The following RNF212 variants were observed in gnomAD, a reference collection of about 807,000 sequenced individuals.
RNF212 encodes the protein ring finger protein 212.
RNF212 carries 33 observed loss-of-function variants against 34.7 expected under a neutral mutation model. The observed-to-expected ratio is 0.95, with a 90% CI of 0.72 to 1.27. RNF212 has a LOEUF of 1.27. Ranked by LOEUF, RNF212 falls within the 50% of genes most tolerant of loss-of-function variation. The pLI is 0.00. For synonymous variants in RNF212, 140 were observed against 136.1 expected (o/e 1.03, Z -0.20); for missense variants, 377 against 362.2 (o/e 1.04, Z -0.33).
chr4:1,058,143 CAT>C (rs2153031359), intron 4 of RNF212, among the ~76,000 whole-genome samples: 1 of 151,394 alleles, frequency 6.6e-6, no homozygotes, highest in South Asian at 2.1e-4. Context: ...TGAAAAGCAA[CAT>C]ATTAAATTTT....
chr4:1,111,878 T>C (rs1321249171), intron 1 of RNF212, among the ~76,000 whole-genome samples: 2 of 152,134 alleles, frequency 1.3e-5, no homozygotes, highest in Non-Finnish European at 2.9e-5. Context: ...TTGGGGTGTA[T>C]CCATACAATG....
chr4:1,113,416 T>C lies in RNF212; in HGVS notation c.49A>G (p.Thr17Ala). 2 of 1,606,560 alleles carry C rather than the reference T, an allele frequency of 1.2e-6. No homozygotes were observed. The highest frequency in any genetic ancestry group is 1.4e-5 in the African/African-American group (1 of 73,950). ...CAGTTGGTGAGGCTGAAGCACGACG[T>C]CCTGTGGGGCGGCTGGAAGCAGCGA... ...CNRCFQPPHR[T>A]SCFSLTNCGH... is the part of the protein sequence containing the mutation. Residue 17 changes from threonine (T) to alanine (A), a missense_variant, in exon 1 of 10, where the codon ACG becomes GCG. Transcript: ENST00000433731.
intron 8 of RNF212, 21 bp downstream of exon 8, chr4:1,079,622 C>T (rs372405148): frequency 3.2e-6 from 5 of 1,563,226 alleles, no homozygotes; most frequent in Non-Finnish European, 4.4e-6. Context: ...CAGAGGAACT[C>T]AGCAGGAGAG....
chr4:1,075,814 G>A (rs928232278), intron 8 of RNF212, among the ~76,000 whole-genome samples: 4 of 152,096 alleles, frequency 2.6e-5, no homozygotes, highest in African/African-American at 9.7e-5. Flanking sequence ...GGGACTACAG[G>A]TGTGCACCAC....
At chr4:1,083,352 C>A (rs1720656284) in intron 5 of RNF212, among the ~76,000 whole-genome samples, 2 of 152,082 alleles carry the variant, frequency 1.3e-5, no homozygotes, top group Admixed American at 6.5e-5. Flanking sequence ...AGAACAAAAA[C>A]TCAATGGGGG....
At chr4:1,088,212 T>A (rs1446107412) in intron 4 of RNF212, among the ~76,000 whole-genome samples, 1 of 152,172 alleles carries the variant, frequency 6.6e-6, no homozygotes, top group African/African-American at 2.4e-5. Context: ...ATGGTGAAGT[T>A]CAGGCTGAGG....
At chr4:1,101,361 G>T in intron 2 of RNF212, 1 of 216,002 alleles carries the variant, frequency 4.6e-6, no homozygotes. Flanking sequence ...ACCTAGCTTT[G>T]TTGAACTTTT....
intron 3 of RNF212, among the ~76,000 whole-genome samples, chr4:1,063,817 T>C (rs2153033114): frequency 6.6e-6 from 1 of 151,114 alleles, no homozygotes; most frequent in East Asian, 1.9e-4. Flanking sequence ...CAGGCTGCAG[T>C]GAGCCATGGT....
intron 4 of RNF212, among the ~76,000 whole-genome samples, chr4:1,088,303 C>G (rs1721660468): frequency 6.6e-6 from 1 of 152,192 alleles, no homozygotes; most frequent in Admixed American, 6.5e-5. Flanking sequence ...AGACTGGAGG[C>G]ATTTTGCTCC....
At chr4:1,112,156 G>T (rs1217849544) in intron 1 of RNF212, among the ~76,000 whole-genome samples, 2 of 152,162 alleles carry the variant, frequency 1.3e-5, no homozygotes, top group African/African-American at 4.8e-5. Context: ...GCAGTAAACC[G>T]AGATCCCGCC....
chr4:1,101,231 AC>A, intron 2 of RNF212: 1 of 315,136 alleles, frequency 3.2e-6, no homozygotes, highest in Non-Finnish European at 6.2e-6. Context: ...ATCTCTACAC[AC>A]CCCATCTTCC....
chr4:1,089,631 T>C (rs944626720), intron 4 of RNF212, among the ~76,000 whole-genome samples: 1 of 152,196 alleles, frequency 6.6e-6, no homozygotes, highest in Non-Finnish European at 1.5e-5. Flanking sequence ...GGTTTGGCTC[T>C]GTGTCCCCAC....
intron 2 of RNF212, among the ~76,000 whole-genome samples, chr4:1,102,987 A>C (rs796269585): frequency 3.6e-4 from 18 of 50,112 alleles, no homozygotes; most frequent in African/African-American, 6.9e-4. Context: ...CTAAAAAAAT[A>C]CAAAAAAAAA....
chr4:1,083,932 C>T (rs1218397930), intron 5 of RNF212, among the ~76,000 whole-genome samples: 2 of 146,804 alleles, frequency 1.4e-5, no homozygotes, highest in Non-Finnish European at 3.0e-5. Context: ...GAAAGTAATT[C>T]CACATTTTGT....
upstream of RNF212, chr4:1,113,611 G>A (rs1726183670): frequency 5.6e-6 from 3 of 535,092 alleles, no homozygotes; most frequent in East Asian, 1.1e-4. Context: ...ACTGGAGCTC[G>A]CGCCCTCCCG....
At chr4:1,058,204 C>A (rs184195197) in intron 4 of RNF212, 75 of 187,000 alleles carry the variant, frequency 4.0e-4, no homozygotes, top group Middle Eastern at 2.8e-3. Flanking sequence ...TTTTATTTTG[C>A]TGACAATTTC....
intron 8 of RNF212, among the ~76,000 whole-genome samples, chr4:1,078,022 G>A (rs1280135673): frequency 6.6e-6 from 1 of 152,100 alleles, no homozygotes. Context: ...TTCCCTACTG[G>A]ATCCAGTTCT....
Position 1,072,653 on chromosome 4 carries a change from TA to T in RNF212, c.*220del, listed in dbSNP as rs1718631502. The T allele has an allele frequency of 2.7e-6, 3 of 1,114,920 alleles. No individual in the cohort carries two copies. The highest frequency in any genetic ancestry group is 3.4e-6 in the Non-Finnish European group (3 of 879,912). 69.1% of individuals were successfully genotyped at this position (1,114,920 alleles called of 1,614,324 possible). ...TCCCTAAGCATGAGAACCTATAAAA[TA>T]AAAGGGATAATAACAATATATATGA... On this transcript the variant is annotated 3_prime_UTR_variant, in exon 10 of 10. Coordinates refer to ENST00000433731, the MANE Select transcript of RNF212 (RefSeq NM_001131034.4).
chr4:1,095,657 C>T (rs866579388), intron 3 of RNF212, among the ~76,000 whole-genome samples: 15 of 38,000 alleles, frequency 3.9e-4, no homozygotes, highest in South Asian at 1.2e-3. Flanking sequence ...CTCGGGATAG[C>T]GCACCTGGCT....
Sources: gnomAD v4.1 joint callset for allele counts (sites outside exome capture counted in the v4.1 genomes callset) on GRCh38, gnomAD v4.1.1 for gene constraint, MANE v1.5 for transcripts, NCBI Gene and HGNC (gene_info 2026-07-23, HGNC 2026-07-21) for gene names.